Variants in KIFC3 observed in about 807,000 individuals in gnomAD.
KIFC3 encodes the protein kinesin-like protein KIFC3.
A neutral mutation model predicts 101.8 loss-of-function variants in KIFC3; 60 were observed. The ratio of observed to expected loss-of-function variants is 0.59; its 90% CI spans 0.48 to 0.73. KIFC3 has a LOEUF of 0.73. KIFC3 is among the 30% of genes least tolerant of loss of function. The pLI, the probability that KIFC3 is intolerant of heterozygous loss-of-function variation, is 0.00. For missense variants in KIFC3, 966 were observed against 1,137.1 expected, an observed-to-expected ratio of 0.85 and a Z score of 2.16; for synonymous variants, 476 against 482.7, an observed-to-expected ratio of 0.99 and a Z score of 0.18.
chr16:57,808,457 GTTA>G (rs1417257434), intron 1 of KIFC3, among the ~76,000 whole-genome samples: 2 of 152,018 alleles, frequency 1.3e-5, no homozygotes, highest in Non-Finnish European at 2.9e-5. Context: ...CAGCACATGC[GTTA>G]TTAACATCCT....
intron 1 of KIFC3, among the ~76,000 whole-genome samples, chr16:57,861,997 T>C (rs1362806871): frequency 1.3e-5 from 2 of 152,104 alleles, no homozygotes; most frequent in African/African-American, 4.8e-5. Context: ...TAAAATATTT[T>C]CAAGCTGAAG....
intron 14 of KIFC3, 110 bp downstream of exon 14, chr16:57,761,303 G>A (rs1355138283): frequency 8.3e-6 from 13 of 1,567,784 alleles, no homozygotes; most frequent in South Asian, 3.5e-5. Flanking sequence ...TCAGAGAGGC[G>A]TGCGGACTTG....
At chr16:57,823,955 G>GA (rs2055408173) in intron 1 of KIFC3, among the ~76,000 whole-genome samples, 1 of 152,090 alleles carries the variant, frequency 6.6e-6, no homozygotes, top group Admixed American at 6.6e-5. Flanking sequence ...GGAATCTATA[G>GA]AAAAATTGCG....
At chr16:57,797,727 G>A in intron 2 of KIFC3, 2 of 1,197,060 alleles carry the variant, frequency 1.7e-6, no homozygotes, top group Non-Finnish European at 2.1e-6. Context: ...CCTGGGCAGA[G>A]ACCGGAGCTA....
At chr16:57,780,667 AT>A (rs1191334568) in intron 3 of KIFC3, among the ~76,000 whole-genome samples, 3,354 of 69,796 alleles carry the variant, frequency 0.048, 38 homozygotes, top group Admixed American at 0.093. Context: ...CTGAAGACAA[AT>A]TTTTTTTTTT....
chr16:57,789,715 GTTTC>G (rs1269739853), intron 3 of KIFC3, among the ~76,000 whole-genome samples: 2 of 149,802 alleles, frequency 1.3e-5, no homozygotes, highest in African/African-American at 5.0e-5. Flanking sequence ...CACTGACTGT[GTTTC>G]TTTGTTTTGT....
chr16:57,761,058 T>C lies in KIFC3; in HGVS notation c.1986A>G (p.Thr662=), dbSNP rs782629195. 2 of 1,611,470 alleles carry C rather than the reference T, an allele frequency of 1.2e-6. No individual in the cohort carries two copies. The highest frequency in any genetic ancestry group is 1.3e-5 in the African/African-American group (1 of 74,916). The change falls in exon 15 of 20, where the codon ACA becomes ACG. Residue 662 remains threonine, a synonymous_variant. Coordinates refer to ENST00000445690, the MANE Select transcript of KIFC3 (RefSeq NM_001130100.2). ...IVTVRGVDCS[T]GLRTTGKLNL... The stretch of plus-strand genomic sequence containing the variant: ...CACTCTCACCCGTGGTGCGGAGGCC[T>C]GTGCTGCAGTCCACGCCTCGCACCG...
At chr16:57,819,591 C>T (rs544864300) in intron 1 of KIFC3, among the ~76,000 whole-genome samples, 15 of 152,100 alleles carry the variant, frequency 9.9e-5, no homozygotes, top group East Asian at 7.7e-4. Context: ...GATGGAGTCT[C>T]GCTCTGTCAC....
intron 16 of KIFC3, 30 bp downstream of exon 16, chr16:57,760,696 G>T: frequency 6.3e-7 from 1 of 1,586,754 alleles, no homozygotes; most frequent in South Asian, 1.1e-5. Context: ...ACATGCTAGG[G>T]ACTGGCCCGC....
At chr16:57,794,811 G>A (rs2054160052) in intron 3 of KIFC3, among the ~76,000 whole-genome samples, 188 bp downstream of exon 3, 1 of 152,148 alleles carries the variant, frequency 6.6e-6, no homozygotes, top group African/African-American at 2.4e-5. Context: ...CAGCTCCTAT[G>A]AGATTTCCCG....
At chr16:57,791,036 G>C (rs986854886) in intron 3 of KIFC3, 11 of 421,256 alleles carry the variant, frequency 2.6e-5, no homozygotes, top group African/African-American at 2.4e-4. Context: ...GACTTCGAGA[G>C]CAGCATGGCC....
chr16:57,861,346 G>A (rs1029310716), intron 1 of KIFC3, among the ~76,000 whole-genome samples: 3 of 152,290 alleles, frequency 2.0e-5, no homozygotes, highest in African/African-American at 4.8e-5. Context: ...ATGCTACCCA[G>A]CAGGATTGGC....
At chr16:57,846,784 T>C (rs2055929503) in intron 1 of KIFC3, among the ~76,000 whole-genome samples, 1 of 152,214 alleles carries the variant, frequency 6.6e-6, no homozygotes, top group Non-Finnish European at 1.5e-5. Context: ...CTTCTACTTA[T>C]ATGAATTTCA....
chr16:57,833,866 C>CTT (rs201843937), intron 1 of KIFC3, among the ~76,000 whole-genome samples: 38 of 111,312 alleles, frequency 3.4e-4, no homozygotes, highest in Non-Finnish European at 5.1e-4. Context: ...AATGCAGTTG[C>CTT]TTTTTTTTTT....
chr16:57,827,007 G>A (rs969313484), intron 1 of KIFC3, among the ~76,000 whole-genome samples: 1 of 152,182 alleles, frequency 6.6e-6, no homozygotes, highest in East Asian at 1.9e-4. Context: ...CTGCTAGGAA[G>A]GCTCTGCAAC....
chr16:57,797,861 T>C (rs537667865), intron 2 of KIFC3: 1 of 1,453,038 alleles, frequency 6.9e-7, no homozygotes, highest in African/African-American at 1.5e-5. Flanking sequence ...GGCTTCCAGG[T>C]CTCCTCTTTT....
At chr16:57,830,285 T>C (rs2055550805) in intron 1 of KIFC3, among the ~76,000 whole-genome samples, 1 of 147,874 alleles carries the variant, frequency 6.8e-6, no homozygotes, top group Non-Finnish European at 1.5e-5. Context: ...TTGCCCAAGC[T>C]GGAGTGCAAT....
intron 1 of KIFC3, among the ~76,000 whole-genome samples, chr16:57,859,912 T>C (rs1464280045): frequency 6.6e-6 from 1 of 151,202 alleles, no homozygotes; most frequent in East Asian, 2.0e-4. Context: ...GTCCCAGCTA[T>C]TCAGGAGGCT....
chr16:57,815,396 C>T, intron 1 of KIFC3: 1 of 1,169,742 alleles, frequency 8.5e-7, no homozygotes, highest in Non-Finnish European at 1.1e-6. Context: ...ATCCACACCG[C>T]ACCCCACCAC....
Sources: gnomAD v4.1 joint callset for allele counts (sites outside exome capture counted in the v4.1 genomes callset) on GRCh38, gnomAD v4.1.1 for gene constraint, MANE v1.5 for transcripts, NCBI Gene and HGNC (gene_info 2026-07-23, HGNC 2026-07-21) for gene names.